RAB3B: variants seen among roughly 807,000 people sequenced by gnomAD.
The protein encoded by RAB3B is ras-related protein Rab-3B.
In RAB3B, 11 loss-of-function variants were observed where a neutral mutation model predicts 20.5. That is an observed-to-expected ratio of 0.54 (90% CI 0.34 to 0.89). RAB3B has a LOEUF of 0.89. Among genes scored for constraint, RAB3B ranks in the 40% least tolerant of loss-of-function variants. The pLI, the probability that RAB3B is intolerant of heterozygous loss-of-function variation, is 0.02. For synonymous variants in RAB3B, 99 were observed against 106.3 expected (o/e 0.93, Z 0.42); for missense variants, 225 against 280.9 (o/e 0.80, Z 1.42).
At chr1:51,977,162 C>A in intron 1 of RAB3B, 45 bp from the exon 2 acceptor site, 1 of 1,421,214 alleles carries the variant, frequency 7.0e-7, no homozygotes, top group South Asian at 1.2e-5. Flanking sequence ...CCTTCGGTGT[C>A]ACCCTGAGTC....
intron 2 of RAB3B, among the ~76,000 whole-genome samples, chr1:51,961,262 G>C (rs1322471270): frequency 6.6e-6 from 1 of 152,146 alleles, no homozygotes; most frequent in Non-Finnish European, 1.5e-5. Context: ...AAGTTGTAGT[G>C]GGACAGAGAG....
At chr1:51,935,236 C>A (rs750655141) in intron 3 of RAB3B, among the ~76,000 whole-genome samples, 46 of 152,212 alleles carry the variant, frequency 3.0e-4, no homozygotes, top group Non-Finnish European at 5.3e-4. Flanking sequence ...CTACTACTGA[C>A]CCTGCTCTTA....
chr1:51,976,971 T>C lies in RAB3B; in HGVS notation c.147A>G (p.Pro49=), dbSNP rs1274924897. 1 of 1,614,240 alleles carries C rather than the reference T, an allele frequency of 6.2e-7. No homozygotes were observed. The highest frequency in any genetic ancestry group is 1.7e-5 in the Admixed American group (1 of 60,028). The part of the protein sequence containing the change: ...LFRYADDTFT[P]AFVSTVGIDF... ...CGATGCCCACGGTGCTAACGAAGGC[T>C]GGGGTGAACGTGTCATCAGCATAGC... Residue 49 remains proline (P), a synonymous_variant, in exon 2 of 5, where the codon CCA becomes CCG. Coordinates refer to ENST00000371655, the MANE Select transcript of RAB3B (RefSeq NM_002867.4).
At chr1:51,933,057 T>C (rs767077195) in intron 4 of RAB3B, among the ~76,000 whole-genome samples, 10 of 151,954 alleles carry the variant, frequency 6.6e-5, no homozygotes, top group Non-Finnish European at 1.2e-4. Context: ...AAAAAAAGAG[T>C]TTATAAATTT....
rs866849760 is a variant in RAB3B, at chr1:51,911,383, T to G, written c.*8544A>C. The G allele has an allele frequency of 6.6e-6, 1 of 152,058 alleles. No individual in the cohort carries two copies. Among genetic ancestry groups the G allele is most frequent in the Admixed American group, 6.6e-5 (1 of 15,258 alleles). The allele number at this position is 152,058 out of a possible 1,614,324, so 9.4% of individuals were successfully genotyped here. A position where few individuals can be genotyped will look rare whatever the true frequency, so the allele number is the denominator to read the frequency against. Reference sequence around the variant, plus strand: ...TTTTCTGAATGACCCAGGTTTTTTTTGTTTGTTTTTGTTTGTTTGTTTGTT... The same window carrying G: ...TTTTCTGAATGACCCAGGTTTTTTTGGTTTGTTTTTGTTTGTTTGTTTGTT... On this transcript the variant is annotated 3_prime_UTR_variant, in exon 5 of 5. Transcript: ENST00000371655.
chr1:51,931,056 G>T (rs895865298), intron 4 of RAB3B, among the ~76,000 whole-genome samples: 2 of 151,896 alleles, frequency 1.3e-5, no homozygotes, highest in African/African-American at 4.8e-5. Flanking sequence ...TGGCATGCTG[G>T]TATATTTTTT....
intron 2 of RAB3B, among the ~76,000 whole-genome samples, chr1:51,970,756 A>G (rs1031323559): frequency 3.9e-5 from 6 of 152,032 alleles, no homozygotes; most frequent in Non-Finnish European, 7.4e-5. Flanking sequence ...CTATAATCCC[A>G]GCACTTTGGG....
intron 2 of RAB3B, among the ~76,000 whole-genome samples, chr1:51,940,661 A>G (rs577245681): frequency 2.2e-4 from 33 of 152,226 alleles, no homozygotes; most frequent in African/African-American, 7.2e-4. Context: ...CAGGTAAAGT[A>G]GAAACATGGT....
At chr1:51,940,832 T>C (rs1318148007) in intron 2 of RAB3B, among the ~76,000 whole-genome samples, 1 of 152,188 alleles carries the variant, frequency 6.6e-6, no homozygotes, top group Non-Finnish European at 1.5e-5. Context: ...CTGGGTGCTC[T>C]GCTTTTTGTC....
At chr1:51,930,637 T>C (rs1236296580) in intron 4 of RAB3B, among the ~76,000 whole-genome samples, 1 of 152,228 alleles carries the variant, frequency 6.6e-6, no homozygotes, top group Non-Finnish European at 1.5e-5. Flanking sequence ...TTAAATTAGA[T>C]GCATAATACT....
intron 2 of RAB3B, among the ~76,000 whole-genome samples, chr1:51,975,221 A>G (rs955018159): frequency 5.9e-5 from 9 of 152,224 alleles, no homozygotes; most frequent in African/African-American, 2.2e-4. Context: ...CTCGAAAAAA[A>G]TAAAATAAAA....
At chr1:51,954,149 C>A (rs1025789732) in intron 2 of RAB3B, among the ~76,000 whole-genome samples, 3 of 152,200 alleles carry the variant, frequency 2.0e-5, no homozygotes, top group Admixed American at 2.0e-4. Context: ...CACTCTTTTA[C>A]CACTGTTGAG....
At chr1:51,935,574 A>T (rs1226149902) in intron 3 of RAB3B, among the ~76,000 whole-genome samples, 2 of 152,244 alleles carry the variant, frequency 1.3e-5, no homozygotes, top group Non-Finnish European at 2.9e-5. Flanking sequence ...GTTAGCAACA[A>T]ACTCAGGTTA....
chr1:51,954,867 AG>A (rs550294163), intron 2 of RAB3B, among the ~76,000 whole-genome samples: 69 of 152,400 alleles, frequency 4.5e-4, no homozygotes, highest in Non-Finnish European at 9.0e-4. Flanking sequence ...TACTTAAAAT[AG>A]TAGACAGGAG....
intron 2 of RAB3B, among the ~76,000 whole-genome samples, chr1:51,945,161 T>C (rs1270128431): frequency 6.6e-6 from 1 of 152,170 alleles, no homozygotes; most frequent in Non-Finnish European, 1.5e-5. Flanking sequence ...TAGCATTTTT[T>C]AGCAATAAAG....
In RAB3B at chr1:51,912,120, C is replaced by CTTTTTT. The variant is rs958329774; in HGVS notation, c.*7801_*7806dup. The CTTTTTT allele has an allele frequency of 1.5e-5, 2 of 131,860 alleles. No individual in the cohort carries two copies. The highest frequency in any genetic ancestry group is 2.8e-5 in the African/African-American group (1 of 35,692). 8.2% of individuals were successfully genotyped at this position (131,860 alleles called of 1,614,324 possible). A position where few individuals can be genotyped will look rare whatever the true frequency, so the allele number is the denominator to read the frequency against. ...TCTTCTTTTTTTTCTTTCTTTCTTT[C>CTTTTTT]TTTTTTTTTTTTTTTTGAGAGGGGG... On this transcript the variant is annotated 3_prime_UTR_variant, in exon 5 of 5. Transcript: ENST00000371655.
intron 1 of RAB3B, among the ~76,000 whole-genome samples, chr1:51,985,812 G>A (rs1006165558): frequency 1.3e-5 from 2 of 148,476 alleles, no homozygotes; most frequent in Non-Finnish European, 3.0e-5. Flanking sequence ...GTAAAAAATT[G>A]TTTCAGTTCC....
Position 51,937,466 on chromosome 1 carries a change from A to AGCAGTTAAAAGTT in RAB3B, c.229-55_229-54insAACTTTTAACTGC. 2.3e-6 allele frequency: 3 copies of AGCAGTTAAAAGTT among 1,287,372 alleles called. No individual in the cohort carries two copies. The African/African-American group carries it at 4.9e-5, about 21-fold the overall frequency. The allele number at this position is 1,287,372 out of a possible 1,614,324, so 79.7% of individuals were successfully genotyped here. A position where few individuals can be genotyped will look rare whatever the true frequency, so the allele number is the denominator to read the frequency against. ...CTTAGAAAGTCTGCTTTGGTTCCTA[A>AGCAGTTAAAAGTT]AAAGTCCCCAGGACAATTAACTAAT... is the stretch of plus-strand genomic sequence containing the variant. On this transcript the variant is annotated intron_variant, in intron 2 of 4. Transcript: ENST00000371655.
intron 1 of RAB3B, among the ~76,000 whole-genome samples, chr1:51,984,035 C>G (rs879476804): frequency 5.9e-5 from 9 of 151,352 alleles, no homozygotes; most frequent in Non-Finnish European, 1.3e-4. Flanking sequence ...GAGGCTGAGG[C>G]GGGTGAATCA....
Sources: gnomAD v4.1 joint callset for allele counts (sites outside exome capture counted in the v4.1 genomes callset) on GRCh38, gnomAD v4.1.1 for gene constraint, MANE v1.5 for transcripts, NCBI Gene and HGNC (gene_info 2026-07-23, HGNC 2026-07-21) for gene names.